Variants in CCDC171 observed in about 807,000 individuals in gnomAD.
CCDC171 encodes the protein coiled-coil domain containing 171, also known as coiled-coil domain-containing protein 171.
A neutral mutation model predicts 168.2 loss-of-function variants in CCDC171; 177 were observed. The ratio of observed to expected loss-of-function variants is 1.05; its 90% confidence interval spans 0.93 to 1.19. CCDC171 has a LOEUF of 1.19. Ranked by LOEUF, CCDC171 falls within the 50% of genes most tolerant of loss-of-function variation. The pLI, the probability that CCDC171 is intolerant of heterozygous loss-of-function variation, is 0.00. For synonymous variants in CCDC171, 687 were observed against 540.8 expected (o/e 1.27, Z -3.75); for missense variants, 1,991 against 1,539.0 (o/e 1.29, Z -4.91).
At chr9:15,818,025 T>A (rs375561383) in intron 21 of CCDC171, among the ~76,000 whole-genome samples, 1 of 116,866 alleles carries the variant, frequency 8.6e-6, no homozygotes, top group East Asian at 2.2e-4. Context: ...GCAGCAGCAT[T>A]TGCGGTTCAC....
chr9:15,632,913 C>G (rs2045855907), intron 7 of CCDC171, among the ~76,000 whole-genome samples: 2 of 152,078 alleles, frequency 1.3e-5, no homozygotes, highest in East Asian at 3.9e-4. Context: ...GAAAAACAAG[C>G]AACGCGGAAA....
intron 11 of CCDC171, among the ~76,000 whole-genome samples, chr9:15,714,390 A>G (rs1011463228): frequency 6.6e-6 from 1 of 152,092 alleles, no homozygotes; most frequent in Non-Finnish European, 1.5e-5. Flanking sequence ...TGTGTTCCAA[A>G]CTCGGAGAAT....
At chr9:15,873,161 C>T (rs914275928) in intron 23 of CCDC171, among the ~76,000 whole-genome samples, 2 of 151,940 alleles carry the variant, frequency 1.3e-5, no homozygotes, top group Non-Finnish European at 2.9e-5. Flanking sequence ...CATAGATTAG[C>T]GTGAACAGTT....
chr9:15,627,969 C>A (rs745851638), intron 7 of CCDC171, among the ~76,000 whole-genome samples: 7 of 151,796 alleles, frequency 4.6e-5, no homozygotes, highest in Non-Finnish European at 7.4e-5. Context: ...TTGGGTTAGA[C>A]CCTAAGAATC....
chr9:15,981,598 C>CTT (rs896944657), intron 3 of CCDC171, among the ~76,000 whole-genome samples: 5 of 152,094 alleles, frequency 3.3e-5, no homozygotes, highest in African/African-American at 1.2e-4. Flanking sequence ...CATGTAGAAG[C>CTT]TTTTTAAGTT....
the CCDC171 span, among the ~76,000 whole-genome samples, chr9:16,079,330 AT>A: frequency 6.6e-6 from 1 of 152,210 alleles, no homozygotes; most frequent in Non-Finnish European, 1.5e-5. Context: ...ATGTGACCTT[AT>A]TTGGAGCTAG....
chr9:16,066,820 C>T, the CCDC171 span, among the ~76,000 whole-genome samples: 1 of 148,890 alleles, frequency 6.7e-6, no homozygotes. Context: ...CATAGTATTC[C>T]ATGGTGTATA....
chr9:16,026,791 CAAT>C, intron 6 of CCDC171, among the ~76,000 whole-genome samples: 1 of 152,118 alleles, frequency 6.6e-6, no homozygotes, highest in South Asian at 2.1e-4. Flanking sequence ...GGATAAAAAG[CAAT>C]AATAAAGCAT....
chr9:15,939,546 G>C (rs559950836), intron 25 of CCDC171, among the ~76,000 whole-genome samples: 3 of 151,912 alleles, frequency 2.0e-5, no homozygotes, highest in East Asian at 3.9e-4. Context: ...GCATGAAAAA[G>C]TATAGGGTAG....
intron 7 of CCDC171, among the ~76,000 whole-genome samples, chr9:15,640,282 C>G (rs924569525): frequency 2.0e-5 from 3 of 152,042 alleles, no homozygotes; most frequent in Non-Finnish European, 2.9e-5. Flanking sequence ...TTCCTCTTCT[C>G]TTTTACATGG....
chr9:15,667,397 G>A (rs2136352), intron 9 of CCDC171, among the ~76,000 whole-genome samples: 1 of 152,140 alleles, frequency 6.6e-6, no homozygotes, highest in Non-Finnish European at 1.5e-5. Flanking sequence ...TGTAATCCCA[G>A]CACTTTGGGA....
intron 7 of CCDC171, among the ~76,000 whole-genome samples, chr9:15,628,870 C>T (rs1008393932): frequency 6.6e-6 from 1 of 152,210 alleles, no homozygotes; most frequent in African/African-American, 2.4e-5. Context: ...ATTAACGGTT[C>T]ACGAAAATCC....
chr9:15,599,959 A>G (rs1327225535), intron 6 of CCDC171, among the ~76,000 whole-genome samples: 1 of 151,846 alleles, frequency 6.6e-6, no homozygotes, highest in African/African-American at 2.4e-5. Flanking sequence ...AAGCTTGTGC[A>G]TTCGTCACAT....
intron 6 of CCDC171, among the ~76,000 whole-genome samples, chr9:15,616,866 A>G (rs1266542862): frequency 6.6e-6 from 1 of 152,230 alleles, no homozygotes; most frequent in Admixed American, 6.5e-5. Context: ...TCACATTGCT[A>G]TGAAGAAATA....
intron 7 of CCDC171, among the ~76,000 whole-genome samples, chr9:15,626,656 G>T (rs897741045): frequency 2.6e-5 from 4 of 152,168 alleles, no homozygotes; most frequent in African/African-American, 9.6e-5. Context: ...GCATCCCAGG[G>T]ATGAAGCCCA....
chr9:15,621,177 G>A (rs938741387), intron 6 of CCDC171, among the ~76,000 whole-genome samples: 2 of 152,182 alleles, frequency 1.3e-5, no homozygotes, highest in African/African-American at 4.8e-5. Context: ...ATGTTGGCCA[G>A]GCTTGTCTCA....
chr9:15,772,788 G>A (rs533820404), intron 18 of CCDC171, among the ~76,000 whole-genome samples: 35 of 152,080 alleles, frequency 2.3e-4, no homozygotes, highest in Non-Finnish European at 4.4e-4. Flanking sequence ...ATTGAAGAGC[G>A]GGAAGACTAG....
At chr9:16,077,217 A>G in the CCDC171 span, among the ~76,000 whole-genome samples, 1 of 152,142 alleles carries the variant, frequency 6.6e-6, no homozygotes, top group Non-Finnish European at 1.5e-5. Context: ...AGGGAGGAAA[A>G]GAGAAGGTTA....
intron 19 of CCDC171, among the ~76,000 whole-genome samples, chr9:15,778,214 G>A (rs982238580): frequency 1.4e-4 from 21 of 147,838 alleles, no homozygotes; most frequent in African/African-American, 4.0e-4. Flanking sequence ...GGAGAATGGC[G>A]TGAACCCGGG....
Sources: allele counts gnomAD v4.1 joint callset (sites outside exome capture counted in the v4.1 genomes callset), GRCh38; gene constraint gnomAD v4.1.1; transcripts MANE v1.5; gene names NCBI Gene and HGNC (gene_info 2026-07-23, HGNC 2026-07-21).